Variants in ZFAND6 observed in about 807,000 individuals in gnomAD.
ZFAND6 encodes AN1-type zinc finger protein 6.
ZFAND6 carries 12 observed loss-of-function variants against 24.5 expected under a neutral mutation model. The ratio of observed to expected loss-of-function variants is 0.49; its 90% CI spans 0.31 to 0.79. ZFAND6 has a LOEUF of 0.79. Among genes scored for constraint, ZFAND6 ranks in the 30% least tolerant of loss-of-function variants. The pLI is 0.04. For missense variants in ZFAND6, 207 were observed against 245.9 expected (o/e 0.84, Z 1.06); for synonymous variants, 92 against 81.5 (o/e 1.13, Z -0.69).
rs994663846 is a variant in ZFAND6, at chr15:80,060,474, T to G, written c.-181+665T>G. The G allele has an allele frequency of 3.1e-4, 47 of 152,236 alleles. 1 individual carries two copies. Among genetic ancestry groups the G allele is most frequent in the Admixed American group, 2.8e-3 (43 of 15,284 alleles). The allele number at this position is 152,236 out of a possible 1,614,324, so 9.4% of individuals were successfully genotyped here. A position where few individuals can be genotyped will look rare whatever the true frequency, so the allele number is the denominator to read the frequency against. On this transcript the variant is annotated intron_variant, in intron 1 of 6. Transcript: ENST00000261749. ...TGAAAGAATATTGTGTTTGAAATCT[T>G]TTTAACTTGGTTTTTAAGTCACGTG...
At chr15:80,103,158 C>A (rs1484548663) in intron 2 of ZFAND6, among the ~76,000 whole-genome samples, 1 of 152,158 alleles carries the variant, frequency 6.6e-6, no homozygotes, top group Non-Finnish European at 1.5e-5. Context: ...AGTAGGGAGG[C>A]AGTGAATGGC....
At chr15:80,089,246 T>A (rs967549183) in intron 1 of ZFAND6, among the ~76,000 whole-genome samples, 7 of 146,756 alleles carry the variant, frequency 4.8e-5, no homozygotes, top group African/African-American at 1.8e-4. Flanking sequence ...TGTCTTCGTG[T>A]GTGAGTGTGT....
intron 3 of ZFAND6, 119 bp from the exon 4 acceptor site, chr15:80,121,593 C>T (rs934003): frequency 0.67 from 430,174 of 638,602 alleles, 149,017 homozygotes; most frequent in Non-Finnish European, 0.72. Flanking sequence ...CAACATACTA[C>T]ATATTAAAAG....
At chr15:80,080,002 C>CT (rs897285399) in intron 1 of ZFAND6, among the ~76,000 whole-genome samples, 18 of 144,322 alleles carry the variant, frequency 1.2e-4, no homozygotes, top group South Asian at 4.5e-4. Flanking sequence ...TTTTCCCTTT[C>CT]TTTTTTTTTT....
intron 2 of ZFAND6, among the ~76,000 whole-genome samples, chr15:80,099,910 C>T (rs901053174): frequency 6.6e-6 from 1 of 152,106 alleles, no homozygotes; most frequent in Admixed American, 6.6e-5. Context: ...AGCCACCTTG[C>T]GCGGCCGAAT....
chr15:80,098,643 T>C (rs1421578533), intron 2 of ZFAND6, 65 bp downstream of exon 2: 2 of 152,180 alleles, frequency 1.3e-5, no homozygotes, highest in East Asian at 3.8e-4. Context: ...TTTTTTTTAA[T>C]TTAAAATGCT....
At chr15:80,060,141 C>T (rs767919546) in intron 1 of ZFAND6, 1 of 151,992 alleles carries the variant, frequency 6.6e-6, no homozygotes, top group Non-Finnish European at 1.5e-5. Flanking sequence ...CCGCGGAGGC[C>T]GCGACGCGCG....
At position 80,136,725 on chromosome 15, in the gene ZFAND6, T is replaced by A. The variant is rs185039254; in HGVS notation, c.479-755T>A. 2.2e-3 allele frequency among the ~76,000 whole-genome samples: 339 copies of A among 152,334 alleles called. 1 individual carries two copies. Among genetic ancestry groups the A allele is most frequent in the African/African-American group, 8.0e-3 (331 of 41,578 alleles). ...CTAACAATTGTATCATACCATAAAA[T>A]TCTAATTTGGGGGAGCAGGACCAGT... On this transcript the variant is annotated intron_variant, in intron 6 of 6. Transcript: ENST00000261749.
At chr15:80,096,803 T>C (rs2038750232) in intron 1 of ZFAND6, among the ~76,000 whole-genome samples, 3 of 152,118 alleles carry the variant, frequency 2.0e-5, no homozygotes, top group South Asian at 4.1e-4. Flanking sequence ...AGTGTACATA[T>C]AGGGGAAAGG....
chr15:80,062,833 C>T (rs1389709508), intron 1 of ZFAND6, among the ~76,000 whole-genome samples: 1 of 151,990 alleles, frequency 6.6e-6, no homozygotes, highest in South Asian at 2.1e-4. Context: ...TCAGGTATAC[C>T]CCTGGTCTTT....
At chr15:80,118,365 A>C (rs1342587169) in intron 2 of ZFAND6, among the ~76,000 whole-genome samples, 1 of 152,018 alleles carries the variant, frequency 6.6e-6, no homozygotes, top group African/African-American at 2.4e-5. Context: ...CTCGTGAGCC[A>C]CCGTGCCCGG....
chr15:80,076,283 A>C (rs1596200535), intron 1 of ZFAND6, among the ~76,000 whole-genome samples: 1 of 152,072 alleles, frequency 6.6e-6, no homozygotes, highest in African/African-American at 2.4e-5. Flanking sequence ...TGATACTGCC[A>C]CCCAAGCCAG....
intron 1 of ZFAND6, among the ~76,000 whole-genome samples, chr15:80,067,966 A>C (rs998078585): frequency 6.6e-6 from 1 of 152,020 alleles, no homozygotes; most frequent in African/African-American, 2.4e-5. Flanking sequence ...TAATTAAAAA[A>C]ATTTTTTTTT....
At chr15:80,077,007 C>G (rs1485367616) in intron 1 of ZFAND6, among the ~76,000 whole-genome samples, 1 of 152,172 alleles carries the variant, frequency 6.6e-6, no homozygotes, top group East Asian at 1.9e-4. Flanking sequence ...GAATGAGGCA[C>G]AGGCAAAGTA....
chr15:80,078,303 C>T (rs1331900083), intron 1 of ZFAND6, among the ~76,000 whole-genome samples: 11 of 152,176 alleles, frequency 7.2e-5, no homozygotes, highest in Non-Finnish European at 1.2e-4. Flanking sequence ...TAAGTGACAA[C>T]GTGGTATTTG....
At chr15:80,091,702 C>T (rs1052406401) in intron 1 of ZFAND6, among the ~76,000 whole-genome samples, 26 of 152,158 alleles carry the variant, frequency 1.7e-4, no homozygotes, top group African/African-American at 5.8e-4. Context: ...TGCAGACGCA[C>T]AATCATAGCT....
At chr15:80,128,339 C>T (rs147041941) in intron 5 of ZFAND6, among the ~76,000 whole-genome samples, 1 of 152,220 alleles carries the variant, frequency 6.6e-6, no homozygotes, top group East Asian at 1.9e-4. Flanking sequence ...TCCCCACCAC[C>T]CCAAGACAGT....
intron 2 of ZFAND6, among the ~76,000 whole-genome samples, chr15:80,101,841 G>A (rs186747849): frequency 1.1e-3 from 158 of 144,000 alleles, no homozygotes; most frequent in Middle Eastern, 3.6e-3. Context: ...GGCCCAGGCT[G>A]GAGTGCAGTG....
rs988927952 is a variant in ZFAND6 at position 80,122,750 on chromosome 15, T to C, written c.314T>C (p.Leu105Ser). 1 of 1,613,630 alleles carries C rather than the reference T, an allele frequency of 6.2e-7. No individual in the cohort carries two copies. Among genetic ancestry groups the C allele is most frequent in the African/African-American group, 1.3e-5 (1 of 74,900 alleles). Residue 105 changes from leucine (L) to serine (S), a missense_variant, in exon 5 of 7, where the codon TTG (leucine) becomes TCG (serine). Physicochemically the swap from Leu to Ser is moderately radical, Grantham distance 145 (BLOSUM62 -2). This residue lies in a region of ZFAND6 where 133 missense variants were observed against 122.8 expected (regional missense o/e 1.08). Coordinates refer to ENST00000261749, the MANE Select transcript of ZFAND6 (RefSeq NM_019006.4). Reference sequence around the variant, plus strand: ...TCAGAATCTGTAGCATCTTCTCAATTGGACAGTACATCTGTGGACAAAGCA... The same window carrying C: ...TCAGAATCTGTAGCATCTTCTCAATCGGACAGTACATCTGTGGACAAAGCA... ...LLSESVASSQ[L>S]DSTSVDKAVP... is the part of the protein sequence containing the mutation.
Sources: gnomAD v4.1 joint callset for allele counts (sites outside exome capture counted in the v4.1 genomes callset) on GRCh38, gnomAD v4.1.1 for gene constraint, gnomAD v4.1.1 regional missense constraint, MANE v1.5 for transcripts, NCBI Gene and HGNC (gene_info 2026-07-23, HGNC 2026-07-21) for gene names.